Variants in MED12L observed in about 807,000 individuals in gnomAD.
The protein encoded by MED12L is mediator of RNA polymerase II transcription subunit 12-like protein.
Under a neutral mutation model 281.3 loss-of-function variants are expected in MED12L, and 60 were observed. That is an observed-to-expected ratio of 0.21 (90% confidence interval 0.17 to 0.26). The LOEUF (loss-of-function observed/expected upper bound fraction) is 0.26, where lower values mean the gene tolerates loss of function less well. MED12L is among the 10% of genes least tolerant of loss of function. The probability of loss-of-function intolerance (pLI) is 1.00; values close to 1 mark genes in which losing one functional copy is unlikely to be tolerated. For synonymous variants in MED12L, 974 were observed against 987.2 expected, an observed-to-expected ratio of 0.99 and a Z score of 0.25; for missense variants, 2,146 against 2,680.9, an observed-to-expected ratio of 0.80 and a Z score of 4.41.
chr3:151,098,919 G>A (rs112311735), intron 2 of MED12L, among the ~76,000 whole-genome samples: 12 of 152,270 alleles, frequency 7.9e-5, no homozygotes, highest in South Asian at 4.2e-4. Flanking sequence ...GGCTGGGGAC[G>A]CCTCACAATC....
intron 27 of MED12L, among the ~76,000 whole-genome samples, 170 bp from the exon 28 acceptor site, chr3:151,375,856 C>G (rs1756785480): frequency 6.6e-6 from 1 of 151,898 alleles, no homozygotes; most frequent in African/African-American, 2.4e-5. Context: ...AGCCAAAATG[C>G]TAAAAATTTT....
intron 38 of MED12L, among the ~76,000 whole-genome samples, chr3:151,394,122 C>G (rs1714655684): frequency 6.6e-6 from 1 of 152,114 alleles, no homozygotes; most frequent in African/African-American, 2.4e-5. Flanking sequence ...TTTGTCATTA[C>G]AATCATAGTA....
chr3:151,247,906 G>A (rs769773580), intron 16 of MED12L, among the ~76,000 whole-genome samples: 2 of 148,466 alleles, frequency 1.3e-5, no homozygotes, highest in Non-Finnish European at 3.0e-5. Flanking sequence ...GTATTCAGAA[G>A]ACAGGGCTCC....
At chr3:151,129,947 T>G (rs1029044820) in intron 5 of MED12L, among the ~76,000 whole-genome samples, 2 of 152,104 alleles carry the variant, frequency 1.3e-5, no homozygotes, top group African/African-American at 4.8e-5. Context: ...TCTTTAATGT[T>G]TTGTAGAGAC....
chr3:151,365,252 GC>G lies in MED12L; in HGVS notation c.3185+48del, dbSNP rs1755136628. 5 of 1,484,304 alleles carry G rather than the reference GC, an allele frequency of 3.4e-6. No individual in the cohort carries two copies. The East Asian group carries it at 1.1e-4, about 34-fold the overall frequency. 91.9% of individuals were successfully genotyped at this position (1,484,304 alleles called of 1,614,324 possible). ...ATTCATGATTAACCAAAGAGTTGTTGCCTTGGTGCTTCTTTGAAATTGATGT... is the reference window on the plus strand; with the variant it reads ...ATTCATGATTAACCAAAGAGTTGTTGCTTGGTGCTTCTTTGAAATTGATGT... On this transcript the variant is annotated intron_variant, in intron 22 of 44. Coordinates refer to ENST00000687756, the MANE Select transcript of MED12L (RefSeq NM_001393769.1).
At chr3:151,286,389 C>T (rs1198586413) in intron 16 of MED12L, among the ~76,000 whole-genome samples, 1 of 152,188 alleles carries the variant, frequency 6.6e-6, no homozygotes, top group Non-Finnish European at 1.5e-5. Context: ...ATTCCTTCTG[C>T]AAGCAAAAGC....
At chr3:151,113,301 G>A (rs1339823436) in intron 2 of MED12L, among the ~76,000 whole-genome samples, 1 of 152,194 alleles carries the variant, frequency 6.6e-6, no homozygotes, top group Non-Finnish European at 1.5e-5. Context: ...CTGGGCTGGT[G>A]TGTTTGAGAA....
At chr3:151,102,698 C>T (rs1576728161) in intron 2 of MED12L, among the ~76,000 whole-genome samples, 1 of 152,136 alleles carries the variant, frequency 6.6e-6, no homozygotes, top group Admixed American at 6.5e-5. Flanking sequence ...GTCTTGAATT[C>T]CTGGACAATC....
intron 16 of MED12L, among the ~76,000 whole-genome samples, chr3:151,237,808 G>T (rs1260615230): frequency 6.6e-6 from 1 of 152,084 alleles, no homozygotes; most frequent in Non-Finnish European, 1.5e-5. Context: ...TTTGTACAGT[G>T]ATCTCAAATG....
At chr3:151,129,655 G>A (rs1343754003) in intron 5 of MED12L, among the ~76,000 whole-genome samples, 1 of 151,510 alleles carries the variant, frequency 6.6e-6, no homozygotes, top group African/African-American at 2.4e-5. Context: ...CCTTTTTGAA[G>A]TTTCATTCAT....
At chr3:151,157,729 G>A (rs1719467133) in intron 6 of MED12L, among the ~76,000 whole-genome samples, 1 of 152,114 alleles carries the variant, frequency 6.6e-6, no homozygotes, top group African/African-American at 2.4e-5. Context: ...TACTACAACT[G>A]TAATTTATCA....
intron 16 of MED12L, chr3:151,329,646 T>C: frequency 1.7e-6 from 1 of 604,136 alleles, no homozygotes; most frequent in Non-Finnish European, 2.9e-6. Context: ...TTTAGACCTT[T>C]GGGACATTTG....
Position 151,127,896 on chromosome 3 carries a change from A to T in MED12L, c.468A>T (p.Ala156=). 5.6e-6 allele frequency: 9 copies of T among 1,614,000 alleles called. No individual in the cohort carries two copies. The highest frequency in any genetic ancestry group is 7.6e-6 in the Non-Finnish European group (9 of 1,179,826). The change falls in exon 5 of 45, where the codon GCA becomes GCT. Residue 156 remains alanine, a synonymous_variant. Transcript: ENST00000687756. ...AATATTCTGTGCCAATGGTTCGAGC[A>T]ACGTGGCTGATCAAGATGACTTGTG... The part of the protein sequence containing the change: ...LAKYSVPMVR[A]TWLIKMTCAY...
At chr3:151,325,733 A>G (rs1398493380) in intron 16 of MED12L, among the ~76,000 whole-genome samples, 1 of 152,178 alleles carries the variant, frequency 6.6e-6, no homozygotes, top group Non-Finnish European at 1.5e-5. Flanking sequence ...ATCTTGAAAG[A>G]TCTTTCCCAA....
chr3:151,383,372 A>G (rs1293804042), intron 33 of MED12L, among the ~76,000 whole-genome samples: 1 of 152,208 alleles, frequency 6.6e-6, no homozygotes, highest in Non-Finnish European at 1.5e-5. Flanking sequence ...ATATGGTATT[A>G]TGATAGCAGG....
At chr3:151,357,454 A>C (rs1468556580) in intron 20 of MED12L, 78 bp downstream of exon 20, 2 of 1,299,796 alleles carry the variant, frequency 1.5e-6, no homozygotes, top group Non-Finnish European at 2.1e-6. Flanking sequence ...AGTGGCTTTA[A>C]AAGAAAAATA....
At chr3:151,290,726 G>C (rs1744144542) in intron 16 of MED12L, among the ~76,000 whole-genome samples, 1 of 151,718 alleles carries the variant, frequency 6.6e-6, no homozygotes, top group Non-Finnish European at 1.5e-5. Context: ...CTAGGCAGCT[G>C]CAGGATACAC....
chr3:151,245,078 G>C (rs1735106180), intron 16 of MED12L, among the ~76,000 whole-genome samples: 1 of 152,190 alleles, frequency 6.6e-6, no homozygotes, highest in Admixed American at 6.5e-5. Context: ...GGAAGAAGTT[G>C]AATCTCTGAA....
At chr3:151,121,591 A>C (rs1713767000) in intron 3 of MED12L, among the ~76,000 whole-genome samples, 1 of 152,176 alleles carries the variant, frequency 6.6e-6, no homozygotes, top group Admixed American at 6.5e-5. Context: ...TTCATTGGGG[A>C]TATTTATCAG....
Sources: allele counts gnomAD v4.1 joint callset (sites outside exome capture counted in the v4.1 genomes callset), GRCh38; gene constraint gnomAD v4.1.1; transcripts MANE v1.5; gene names NCBI Gene and HGNC (gene_info 2026-07-23, HGNC 2026-07-21).